Variants in SLC25A12 observed in about 807,000 individuals in gnomAD.
The protein encoded by SLC25A12 is electrogenic aspartate/glutamate antiporter SLC25A12, mitochondrial.
In SLC25A12, 32 loss-of-function variants were observed where a neutral mutation model predicts 83.3. That is an observed-to-expected ratio of 0.38 (90% CI 0.29 to 0.52). The LOEUF is 0.52. Among genes scored for constraint, SLC25A12 ranks in the 20% least tolerant of loss-of-function variants. SLC25A12 has a pLI of 0.84. For missense variants in SLC25A12, 611 were observed against 835.6 expected (o/e 0.73, Z 3.31); for synonymous variants, 267 against 291.1 (o/e 0.92, Z 0.84).
In SLC25A12 at chr2:171,868,766, G is replaced by A. The variant is rs150674046; in HGVS notation, c.124C>T (p.Arg42Cys). The A allele has an allele frequency of 2.5e-5, 41 of 1,613,122 alleles. No individual in the cohort carries two copies. The highest frequency in any genetic ancestry group is 1.3e-4 in the East Asian group (6 of 44,876). The part of the protein sequence containing the change: ...RYMTPEDFVQ[R>C]YLGLYNDPNS... ...GGATCATTATACAGTCCAAGATAGC[G>A]CTGAACAAAGTCTTCTGGGGTCATA... Residue 42 changes from arginine to cysteine, a missense_variant, in exon 3 of 18, where the codon CGC becomes TGC. Physicochemically the swap from Arg to Cys is radical, Grantham distance 180 (BLOSUM62 -3). Transcript: ENST00000422440.
At chr2:171,853,980 G>A (rs997801377) in intron 4 of SLC25A12, among the ~76,000 whole-genome samples, 4 of 152,218 alleles carry the variant, frequency 2.6e-5, no homozygotes, top group Admixed American at 1.3e-4. Flanking sequence ...AATGCACACA[G>A]GATATAAGCA....
intron 4 of SLC25A12, 25 bp downstream of exon 4, chr2:171,855,808 CA>C: frequency 7.9e-7 from 1 of 1,268,332 alleles, no homozygotes; most frequent in Non-Finnish European, 1.2e-6. Context: ...ATTAACTTAT[CA>C]CTTATAATCT....
At chr2:171,882,824 CA>C (rs562748142) in intron 2 of SLC25A12, among the ~76,000 whole-genome samples, 14 of 147,880 alleles carry the variant, frequency 9.5e-5, no homozygotes, top group South Asian at 6.4e-4. Context: ...AAGTTACGCA[CA>C]AAAAAAAAAT....
rs1286894969 is a variant in SLC25A12 at position 171,784,176 on chromosome 2, C to T, written c.*1098G>A. Among the ~76,000 whole-genome samples, 1 of 152,182 alleles carries T rather than the reference C, an allele frequency of 6.6e-6. No individual in the cohort carries two copies. Among genetic ancestry groups the T allele is most frequent in the Non-Finnish European group, 1.5e-5 (1 of 68,032 alleles). On this transcript the variant is annotated 3_prime_UTR_variant, in exon 18 of 18. Coordinates refer to ENST00000422440, the MANE Select transcript of SLC25A12 (RefSeq NM_003705.5). ...AGTAAGAACCTAGACCCCACTAAAT[C>T]ACCATATAGAGCTTTTCTTCTCTTT... is the stretch of plus-strand genomic sequence containing the variant.
intron 2 of SLC25A12, chr2:171,871,827 G>A (rs760506269): frequency 2.5e-6 from 2 of 797,964 alleles, no homozygotes; most frequent in Non-Finnish European, 3.0e-6. Flanking sequence ...TGAGAGGTGG[G>A]AGAATCACTT....
At chr2:171,884,264 C>G (rs1352452405) in intron 2 of SLC25A12, among the ~76,000 whole-genome samples, 1 of 150,776 alleles carries the variant, frequency 6.6e-6, no homozygotes, top group Admixed American at 6.6e-5. Context: ...GATCTCGGCT[C>G]ACTGCAACCT....
chr2:171,862,675 T>C (rs566102907), intron 3 of SLC25A12, among the ~76,000 whole-genome samples: 1 of 152,228 alleles, frequency 6.6e-6, no homozygotes, highest in Non-Finnish European at 1.5e-5. Flanking sequence ...TGAACTTGTC[T>C]ATACTAGCTC....
In SLC25A12 at chr2:171,815,108, A is replaced by G; in HGVS notation, c.1012+13T>C. 6.2e-7 allele frequency: 1 copy of G among 1,607,864 alleles called. No individual in the cohort carries two copies. The highest frequency in any genetic ancestry group is 1.1e-5 in the South Asian group (1 of 90,962). ...AACACAAGCCTCAAACAGCACACAGACATGTCACTCACCTCCAGCAACTGA... is the reference window on the plus strand; with the variant it reads ...AACACAAGCCTCAAACAGCACACAGGCATGTCACTCACCTCCAGCAACTGA... On this transcript the variant is annotated intron_variant, in intron 10 of 17. Transcript: ENST00000422440.
At chr2:171,882,666 AAT>A (rs1214997509) in intron 2 of SLC25A12, among the ~76,000 whole-genome samples, 1 of 152,258 alleles carries the variant, frequency 6.6e-6, no homozygotes, top group Non-Finnish European at 1.5e-5. Flanking sequence ...AGTACTGACT[AAT>A]ATTTTCAAAA....
chr2:171,866,556 C>T (rs1296534689), intron 3 of SLC25A12, among the ~76,000 whole-genome samples: 1 of 133,480 alleles, frequency 7.5e-6, no homozygotes, highest in Non-Finnish European at 1.7e-5. Flanking sequence ...CGCCCCTCAC[C>T]TCCCGAACCG....
intron 4 of SLC25A12, among the ~76,000 whole-genome samples, chr2:171,855,177 C>T (rs1044169355): frequency 2.6e-5 from 4 of 152,138 alleles, no homozygotes; most frequent in Non-Finnish European, 4.4e-5. Context: ...TAAACATATA[C>T]TAATTTCTGT....
intron 8 of SLC25A12, among the ~76,000 whole-genome samples, chr2:171,827,529 C>T (rs1684329655): frequency 6.6e-6 from 1 of 152,040 alleles, no homozygotes; most frequent in Non-Finnish European, 1.5e-5. Flanking sequence ...CTTCAGCCTC[C>T]GATTGGTTGT....
intron 14 of SLC25A12, 120 bp from the exon 15 acceptor site, chr2:171,791,709 G>T: frequency 1.1e-6 from 1 of 929,158 alleles, no homozygotes; most frequent in South Asian, 1.3e-5. Flanking sequence ...CAAGCCTGAG[G>T]TGTCCCTTAA....
intron 13 of SLC25A12, among the ~76,000 whole-genome samples, chr2:171,805,364 G>T (rs762422465): frequency 6.6e-6 from 1 of 152,104 alleles, no homozygotes; most frequent in Non-Finnish European, 1.5e-5. Flanking sequence ...ACTTGCTTCG[G>T]CCTCCCAAAG....
chr2:171,804,132 C>G (rs1043452129), intron 13 of SLC25A12, among the ~76,000 whole-genome samples: 3 of 152,080 alleles, frequency 2.0e-5, no homozygotes, highest in African/African-American at 7.2e-5. Flanking sequence ...TCCATATATT[C>G]AGCAATAAAA....
chr2:171,819,493 C>T (rs1402174424), intron 9 of SLC25A12, among the ~76,000 whole-genome samples: 3 of 134,256 alleles, frequency 2.2e-5, no homozygotes, highest in African/African-American at 8.3e-5. Flanking sequence ...ATAATTTTCC[C>T]CTGAATGCTA....
At chr2:171,870,920 A>G (rs1041389159) in intron 2 of SLC25A12, among the ~76,000 whole-genome samples, 7 of 152,078 alleles carry the variant, frequency 4.6e-5, no homozygotes, top group Non-Finnish European at 7.4e-5. Context: ...ATAAGAAAAG[A>G]GTTAGGCCAG....
intron 13 of SLC25A12, among the ~76,000 whole-genome samples, chr2:171,794,063 CAAAAT>C (rs1223840962): frequency 1.3e-5 from 2 of 151,856 alleles, no homozygotes; most frequent in African/African-American, 2.4e-5. Flanking sequence ...TTCAAAATAA[CAAAAT>C]AAACCCATTT....
At position 171,806,249 on chromosome 2, in the gene SLC25A12, C is replaced by T. The variant is rs544298755; in HGVS notation, c.1305+3357G>A. Reference sequence around the variant, plus strand: ...CCGAGGCCGGTGGATCACCTGAGGTCGGGAGTTTGAGACCAGCCTAACATG... The same window carrying T: ...CCGAGGCCGGTGGATCACCTGAGGTTGGGAGTTTGAGACCAGCCTAACATG... On this transcript the variant is annotated intron_variant, in intron 13 of 17. Coordinates refer to ENST00000422440, the MANE Select transcript of SLC25A12 (RefSeq NM_003705.5). 3.9e-5 allele frequency among the ~76,000 whole-genome samples: 6 copies of T among 152,286 alleles called. No homozygotes were observed. The South Asian group carries it at 6.2e-4, about 16-fold the overall frequency.
Sources: gnomAD v4.1 joint callset for allele counts (sites outside exome capture counted in the v4.1 genomes callset) on GRCh38, gnomAD v4.1.1 for gene constraint, MANE v1.5 for transcripts, NCBI Gene and HGNC (gene_info 2026-07-23, HGNC 2026-07-21) for gene names.